Variants in ATAD2B observed in about 807,000 individuals in gnomAD.
The protein encoded by ATAD2B is ATPase family AAA domain-containing protein 2B.
In ATAD2B, 40 loss-of-function variants were observed where a neutral mutation model predicts 167.6. That is an observed-to-expected ratio of 0.24 (90% CI 0.19 to 0.31). ATAD2B has a LOEUF of 0.31. Among genes scored for constraint, ATAD2B ranks in the 10% least tolerant of loss-of-function variants. The probability of loss-of-function intolerance (pLI) is 1.00; values close to 1 mark genes in which losing one functional copy is unlikely to be tolerated. For synonymous variants in ATAD2B, 579 were observed against 596.5 expected, an observed-to-expected ratio of 0.97 and a Z score of 0.43; for missense variants, 1,242 against 1,757.2, an observed-to-expected ratio of 0.71 and a Z score of 5.24.
At chr2:23,797,386 T>C (rs964521482) in intron 19 of ATAD2B, among the ~76,000 whole-genome samples, 3 of 152,150 alleles carry the variant, frequency 2.0e-5, no homozygotes, top group Non-Finnish European at 4.4e-5. Context: ...AGATCTGAAC[T>C]CAAAGTTAGA....
At chr2:23,771,163 C>G (rs556882151) in intron 22 of ATAD2B, among the ~76,000 whole-genome samples, 1 of 152,306 alleles carries the variant, frequency 6.6e-6, no homozygotes, top group African/African-American at 2.4e-5. Context: ...TCCTGCAACC[C>G]TAACTTCACT....
In ATAD2B at chr2:23,754,326, G is replaced by T. The variant is rs1038081551; in HGVS notation, c.4207-19C>A. 7.2e-6 allele frequency: 11 copies of T among 1,533,242 alleles called. No individual in the cohort carries two copies. The Admixed American group carries it at 2.2e-4, about 31-fold the overall frequency. 95.0% of individuals were successfully genotyped at this position (1,533,242 alleles called of 1,614,324 possible). On this transcript the variant is annotated intron_variant, in intron 26 of 27. Transcript: ENST00000238789. Reference sequence around the variant, plus strand: ...GCAATTTCTAAGAAAAAACAGAAAAGAATAAAATGTAATTTGATTTCACTG... The same window carrying T: ...GCAATTTCTAAGAAAAAACAGAAAATAATAAAATGTAATTTGATTTCACTG...
chr2:23,745,607 T>G (rs555311989), downstream of ATAD2B, among the ~76,000 whole-genome samples: 3 of 152,176 alleles, frequency 2.0e-5, no homozygotes, highest in South Asian at 6.2e-4. Flanking sequence ...CTTGGGCAAG[T>G]CACCTAAGCA....
At chr2:23,780,860 C>T (rs374700485) in intron 22 of ATAD2B, among the ~76,000 whole-genome samples, 18 of 152,010 alleles carry the variant, frequency 1.2e-4, no homozygotes, top group East Asian at 3.9e-4. Context: ...ACCACTATCG[C>T]GCCACTGCAC....
At chr2:23,851,864 C>T (rs2675356) in intron 13 of ATAD2B, among the ~76,000 whole-genome samples, 28,064 of 151,624 alleles carry the variant, frequency 0.19, 2,704 homozygotes, top group Middle Eastern at 0.26. Flanking sequence ...ACAGAAGTTG[C>T]CTCTTTGGGG....
chr2:23,904,549 TTTTTTC>T (rs1238120280), intron 1 of ATAD2B, among the ~76,000 whole-genome samples: 9 of 150,716 alleles, frequency 6.0e-5, no homozygotes, highest in Non-Finnish European at 1.0e-4. Flanking sequence ...TTTTTTTTTT[TTTTTTC>T]TTTAAGAAAA....
chr2:23,702,273 A>C, the ATAD2B span, among the ~76,000 whole-genome samples: 4 of 152,196 alleles, frequency 2.6e-5, no homozygotes, highest in Admixed American at 2.0e-4. Context: ...CCTACTGAAC[A>C]TCATAGTTCA....
At chr2:23,763,932 G>T (rs762191583) in intron 23 of ATAD2B, among the ~76,000 whole-genome samples, 2 of 152,168 alleles carry the variant, frequency 1.3e-5, no homozygotes, top group Admixed American at 6.6e-5. Flanking sequence ...CTGTGTAACA[G>T]TACTTTGTTC....
chr2:23,823,698 A>G (rs1261112120), intron 15 of ATAD2B, 129 bp from the exon 16 acceptor site: 3 of 816,800 alleles, frequency 3.7e-6, no homozygotes, highest in East Asian at 2.7e-5. Flanking sequence ...GTGCAATTTT[A>G]CCAGCAAAAT....
At chr2:23,865,053 A>G in intron 10 of ATAD2B, 129 bp from the exon 11 acceptor site, 1 of 510,622 alleles carries the variant, frequency 2.0e-6, no homozygotes, top group East Asian at 3.6e-5. Context: ...CATAACTACA[A>G]ATAAGTGTAG....
At chr2:23,684,203 C>G in the ATAD2B span, among the ~76,000 whole-genome samples, 1 of 152,054 alleles carries the variant, frequency 6.6e-6, no homozygotes, top group Non-Finnish European at 1.5e-5. This position sits in a 1 kb window ranked among gnomAD's most constrained non-coding sequence, Gnocchi z 4.4. Flanking sequence ...TTATTAGCCC[C>G]TCCCAGTGGC....
At chr2:23,737,260 T>C in the ATAD2B span, among the ~76,000 whole-genome samples, 1 of 152,098 alleles carries the variant, frequency 6.6e-6, no homozygotes, top group East Asian at 1.9e-4. Flanking sequence ...CTCAAGTGGG[T>C]CCCTGACCCC....
chr2:23,722,796 A>T, the ATAD2B span, among the ~76,000 whole-genome samples: 3 of 152,224 alleles, frequency 2.0e-5, no homozygotes, highest in South Asian at 6.2e-4. Flanking sequence ...GACAAAATTT[A>T]AAAAAGAAGA....
intron 21 of ATAD2B, among the ~76,000 whole-genome samples, chr2:23,784,336 A>T (rs1264006983): frequency 6.6e-6 from 1 of 152,132 alleles, no homozygotes; most frequent in East Asian, 1.9e-4. Flanking sequence ...TTAGTTAAAT[A>T]AAAACTTTTG....
chr2:23,774,127 T>C (rs944040406), intron 22 of ATAD2B, among the ~76,000 whole-genome samples: 1 of 152,222 alleles, frequency 6.6e-6, no homozygotes, highest in African/African-American at 2.4e-5. Flanking sequence ...AGCTCATTTT[T>C]ATGGTATGAT....
chr2:23,772,642 A>G (rs1678505215), intron 22 of ATAD2B, among the ~76,000 whole-genome samples: 1 of 152,222 alleles, frequency 6.6e-6, no homozygotes, highest in South Asian at 2.1e-4. Flanking sequence ...AAATGAAGAA[A>G]AAAAATCCAT....
chr2:23,720,014 G>T, the ATAD2B span, among the ~76,000 whole-genome samples: 6 of 152,146 alleles, frequency 3.9e-5, no homozygotes, highest in Non-Finnish European at 8.8e-5. Context: ...TCCCTCATTT[G>T]AAAGGGCAGC....
intron 13 of ATAD2B, among the ~76,000 whole-genome samples, chr2:23,852,324 T>C (rs1414216960): frequency 6.6e-6 from 1 of 152,008 alleles, no homozygotes; most frequent in Non-Finnish European, 1.5e-5. Flanking sequence ...AGGGTCTCAC[T>C]ATGTTGCCCA....
At chr2:23,850,114 G>A (rs1360596108) in intron 13 of ATAD2B, among the ~76,000 whole-genome samples, 3 of 148,052 alleles carry the variant, frequency 2.0e-5, no homozygotes, top group East Asian at 2.0e-4. Flanking sequence ...CTGCTGGAGT[G>A]GGCAACAGAG....
Sources: allele counts gnomAD v4.1 joint callset (sites outside exome capture counted in the v4.1 genomes callset), GRCh38; gene constraint gnomAD v4.1.1; non-coding constraint Gnocchi (gnomAD v3.1); transcripts MANE v1.5; gene names NCBI Gene and HGNC (gene_info 2026-07-23, HGNC 2026-07-21).